The following FSTL5 variants were observed in gnomAD, a reference collection of about 807,000 sequenced individuals.
The protein encoded by FSTL5 is follistatin-related protein 5.
FSTL5 carries 62 observed loss-of-function variants against 89.1 expected under a neutral mutation model. That is an observed-to-expected ratio of 0.70 (90% CI 0.57 to 0.86). FSTL5 has a LOEUF of 0.86. Ranked by LOEUF, FSTL5 falls within the 40% of genes least tolerant of loss-of-function variation. The pLI, the probability that FSTL5 is intolerant of heterozygous loss-of-function variation, is 0.00. For missense variants in FSTL5, 1,057 were observed against 1,001.6 expected, an observed-to-expected ratio of 1.06 and a Z score of -0.75; for synonymous variants, 383 against 346.2, an observed-to-expected ratio of 1.11 and a Z score of -1.18.
intron 10 of FSTL5, among the ~76,000 whole-genome samples, chr4:161,525,781 AT>A (rs1439271455): frequency 6.6e-5 from 10 of 152,010 alleles, no homozygotes; most frequent in African/African-American, 2.4e-4. Context: ...GACAATTCCT[AT>A]TTTTTCATAT....
At chr4:161,977,612 CAAAAAAAAAAAAAAAAAAAAA>C (rs796909244) in intron 3 of FSTL5, among the ~76,000 whole-genome samples, 1 of 95,138 alleles carries the variant, frequency 1.1e-5, no homozygotes, top group Non-Finnish European at 2.1e-5. Context: ...GACTCCGTGT[CAAAAAAAAAAAAAAAAAAAAA>C]AAAAAAAATA....
intron 6 of FSTL5, among the ~76,000 whole-genome samples, chr4:161,691,892 T>A (rs1205637853): frequency 6.6e-6 from 1 of 152,122 alleles, no homozygotes; most frequent in African/African-American, 2.4e-5. Context: ...TGATTTTTTT[T>A]ATTATCTCTA....
At chr4:161,590,691 T>C (rs1009737835) in intron 7 of FSTL5, among the ~76,000 whole-genome samples, 1 of 152,156 alleles carries the variant, frequency 6.6e-6, no homozygotes, top group Admixed American at 6.5e-5. Flanking sequence ...AAAACCTCAG[T>C]GAGATACTAC....
At chr4:161,513,969 C>A (rs556402076) in intron 10 of FSTL5, among the ~76,000 whole-genome samples, 5 of 152,106 alleles carry the variant, frequency 3.3e-5, no homozygotes, top group Admixed American at 1.3e-4. Context: ...TGAACATGAA[C>A]CCCTGAACTT....
chr4:161,569,460 G>A (rs1012224585), intron 8 of FSTL5, among the ~76,000 whole-genome samples: 1 of 152,030 alleles, frequency 6.6e-6, no homozygotes, highest in Non-Finnish European at 1.5e-5. Context: ...AATTTCAAGG[G>A]TGGGGTAGAA....
intron 3 of FSTL5, among the ~76,000 whole-genome samples, chr4:161,958,824 G>A (rs1043207116): frequency 6.6e-6 from 1 of 152,136 alleles, no homozygotes; most frequent in African/African-American, 2.4e-5. Context: ...TGAAGACTCA[G>A]CTGAAGACTT....
intron 2 of FSTL5, among the ~76,000 whole-genome samples, chr4:162,068,070 A>C (rs1489003000): frequency 2.0e-5 from 3 of 152,116 alleles, no homozygotes; most frequent in Non-Finnish European, 4.4e-5. Flanking sequence ...ACAAATGGAA[A>C]AACATTCCAT....
intron 6 of FSTL5, among the ~76,000 whole-genome samples, chr4:161,707,624 T>G (rs1738626622): frequency 6.6e-6 from 1 of 151,938 alleles, no homozygotes; most frequent in Admixed American, 6.6e-5. Flanking sequence ...TCACGAAATC[T>G]TGCTATTTTA....
intron 4 of FSTL5, among the ~76,000 whole-genome samples, chr4:161,889,322 C>T (rs1732913258): frequency 6.6e-6 from 1 of 152,058 alleles, no homozygotes; most frequent in Non-Finnish European, 1.5e-5. Context: ...TAATGGTAAT[C>T]CATGTTTATC....
At chr4:161,925,717 T>C (rs1242934001) in intron 3 of FSTL5, among the ~76,000 whole-genome samples, 4 of 151,916 alleles carry the variant, frequency 2.6e-5, no homozygotes, top group African/African-American at 9.7e-5. Flanking sequence ...TATCATTTAT[T>C]ACAGATTTGG....
At chr4:161,814,034 G>C (rs1452448671) in intron 4 of FSTL5, among the ~76,000 whole-genome samples, 1 of 151,928 alleles carries the variant, frequency 6.6e-6, no homozygotes, top group Non-Finnish European at 1.5e-5. Flanking sequence ...GGAAAAAGAA[G>C]AGAGGAAAAG....
intron 11 of FSTL5, among the ~76,000 whole-genome samples, chr4:161,501,398 C>T (rs1277315580): frequency 1.3e-5 from 2 of 152,018 alleles, no homozygotes; most frequent in African/African-American, 4.8e-5. Context: ...AAATAGTCAA[C>T]AATTTTTCCC....
intron 2 of FSTL5, among the ~76,000 whole-genome samples, chr4:162,052,343 C>T (rs535831492): frequency 6.6e-6 from 1 of 151,380 alleles, no homozygotes; most frequent in Non-Finnish European, 1.5e-5. Context: ...ATGGCCGCAC[C>T]CAAATGCTTT....
intron 2 of FSTL5, among the ~76,000 whole-genome samples, chr4:162,073,134 T>C (rs1221190903): frequency 6.6e-6 from 1 of 151,806 alleles, no homozygotes; most frequent in Non-Finnish European, 1.5e-5. Context: ...AATAAATATT[T>C]TTATATATCT....
chr4:162,113,112 T>C (rs1310065111), intron 1 of FSTL5, among the ~76,000 whole-genome samples: 4 of 152,154 alleles, frequency 2.6e-5, no homozygotes, highest in African/African-American at 4.8e-5. Context: ...TAATTATATA[T>C]ATTGCTTCAC....
chr4:161,615,891 C>T (rs1381906714), intron 7 of FSTL5, among the ~76,000 whole-genome samples: 3 of 152,054 alleles, frequency 2.0e-5, no homozygotes, highest in Admixed American at 2.0e-4. Flanking sequence ...GCTAATGTGA[C>T]AATCTATTTT....
chr4:161,856,111 T>C (rs1198500776), intron 4 of FSTL5, among the ~76,000 whole-genome samples: 3 of 152,074 alleles, frequency 2.0e-5, no homozygotes, highest in African/African-American at 4.8e-5. Flanking sequence ...TAATTACTAA[T>C]GGAAGCAAGA....
chr4:161,533,604 C>T (rs187130930), intron 10 of FSTL5, among the ~76,000 whole-genome samples: 2 of 152,038 alleles, frequency 1.3e-5, no homozygotes, highest in Admixed American at 6.6e-5. Flanking sequence ...CCAAAAAGAG[C>T]CTTGGACCAG....
At chr4:162,081,432 G>T (rs1730093685) in intron 2 of FSTL5, among the ~76,000 whole-genome samples, 1 of 151,534 alleles carries the variant, frequency 6.6e-6, no homozygotes, top group African/African-American at 2.4e-5. Flanking sequence ...AGGCCAGTTT[G>T]CAAAGTGATT....
Sources: allele counts gnomAD v4.1 joint callset (sites outside exome capture counted in the v4.1 genomes callset), GRCh38; gene constraint gnomAD v4.1.1; transcripts MANE v1.5; gene names NCBI Gene and HGNC (gene_info 2026-07-23, HGNC 2026-07-21).